Variants in SLC44A5 observed in about 807,000 individuals in gnomAD.
SLC44A5 encodes the protein solute carrier family 44 member 5.
SLC44A5 carries 57 observed loss-of-function variants against 101.8 expected under a neutral mutation model. The observed-to-expected ratio is 0.56, with a 90% CI of 0.45 to 0.70. SLC44A5 has a LOEUF of 0.70. Among genes scored for constraint, SLC44A5 ranks in the 30% least tolerant of loss-of-function variants. The pLI is 0.00. For synonymous variants in SLC44A5, 281 were observed against 290.9 expected, an observed-to-expected ratio of 0.97 and a Z score of 0.35; for missense variants, 737 against 853.1, an observed-to-expected ratio of 0.86 and a Z score of 1.70.
At chr1:75,601,791 A>G (rs1675000015) in intron 1 of SLC44A5, among the ~76,000 whole-genome samples, 1 of 152,168 alleles carries the variant, frequency 6.6e-6, no homozygotes, top group Admixed American at 6.6e-5. Context: ...ACTCAACGAC[A>G]TCATCTAACC....
chr1:75,629,084 G>C, the SLC44A5 span, among the ~76,000 whole-genome samples: 1,066 of 152,220 alleles, frequency 7.0e-3, 16 homozygotes, highest in African/African-American at 0.024. Flanking sequence ...TAGTGATATA[G>C]CAGAAAGGAA....
intron 1 of SLC44A5, chr1:75,582,290 A>C: frequency 1.3e-6 from 2 of 1,536,128 alleles, no homozygotes; most frequent in South Asian, 1.2e-5. Flanking sequence ...CAAGGCCATG[A>C]GTGCACGTGC....
At chr1:75,243,737 ATACC>A (rs1648864093) in intron 7 of SLC44A5, among the ~76,000 whole-genome samples, 1 of 152,058 alleles carries the variant, frequency 6.6e-6, no homozygotes, top group African/African-American at 2.4e-5. Flanking sequence ...TTGTCCCCAC[ATACC>A]TCATGTTGAA....
chr1:75,706,963 A>G, the SLC44A5 span, among the ~76,000 whole-genome samples: 2 of 152,196 alleles, frequency 1.3e-5, no homozygotes, highest in African/African-American at 4.8e-5. Flanking sequence ...AATACCTTCT[A>G]AGACCCATTA....
the SLC44A5 span, among the ~76,000 whole-genome samples, chr1:75,645,391 T>C: frequency 6.6e-6 from 1 of 152,196 alleles, no homozygotes; most frequent in Non-Finnish European, 1.5e-5. Flanking sequence ...TGATGAGCAT[T>C]TTTTCATGTG....
chr1:75,225,671 G>A (rs1022558596), intron 13 of SLC44A5, among the ~76,000 whole-genome samples: 5 of 152,174 alleles, frequency 3.3e-5, no homozygotes, highest in Non-Finnish European at 7.3e-5. Context: ...TTGTGTTAAT[G>A]AGTGTAATTT....
At chr1:75,492,159 A>G (rs1200287172) in intron 2 of SLC44A5, among the ~76,000 whole-genome samples, 1 of 152,190 alleles carries the variant, frequency 6.6e-6, no homozygotes, top group Non-Finnish European at 1.5e-5. Flanking sequence ...CTGAAGTATC[A>G]CATTTCAAAA....
intron 2 of SLC44A5, among the ~76,000 whole-genome samples, chr1:75,512,024 T>C (rs1167823318): frequency 6.6e-6 from 1 of 152,170 alleles, no homozygotes; most frequent in Non-Finnish European, 1.5e-5. Flanking sequence ...CTGAGTCCTG[T>C]GCTAAGTCCA....
At chr1:75,337,246 G>C (rs1437232881) in intron 4 of SLC44A5, among the ~76,000 whole-genome samples, 1 of 152,044 alleles carries the variant, frequency 6.6e-6, no homozygotes. Context: ...TCTATCAGAA[G>C]AATTATGCTA....
At chr1:75,469,400 G>A (rs893698101) in intron 2 of SLC44A5, among the ~76,000 whole-genome samples, 3 of 152,056 alleles carry the variant, frequency 2.0e-5, no homozygotes, top group Non-Finnish European at 4.4e-5. Context: ...AACACCATGT[G>A]CCACTTAAGA....
intron 1 of SLC44A5, among the ~76,000 whole-genome samples, chr1:75,568,531 C>CT (rs1265906220): frequency 6.6e-6 from 1 of 152,188 alleles, no homozygotes; most frequent in East Asian, 1.9e-4. Context: ...ATCCTCCCCA[C>CT]TTTGAGAGAT....
At chr1:75,429,569 A>G (rs1296053661) in intron 2 of SLC44A5, among the ~76,000 whole-genome samples, 1 of 152,202 alleles carries the variant, frequency 6.6e-6, no homozygotes, top group African/African-American at 2.4e-5. Flanking sequence ...CTAATTTATA[A>G]AGAAAATGAG....
At chr1:75,653,663 C>T in the SLC44A5 span, among the ~76,000 whole-genome samples, 1 of 152,136 alleles carries the variant, frequency 6.6e-6, no homozygotes, top group Admixed American at 6.6e-5. Context: ...GATAGTTGCA[C>T]AGTCTGATAT....
At chr1:75,477,449 A>G (rs1157850031) in intron 2 of SLC44A5, among the ~76,000 whole-genome samples, 1 of 152,216 alleles carries the variant, frequency 6.6e-6, no homozygotes, top group African/African-American at 2.4e-5. Flanking sequence ...TGATCAAACT[A>G]CTCCGAGTTA....
Position 75,603,753 on chromosome 1 carries a change from G to GTTTTTTTTTTTTTTTT in SLC44A5, c.-70+7271_-70+7286dup. 2.8e-4 allele frequency among the ~76,000 whole-genome samples: 15 copies of GTTTTTTTTTTTTTTTT among 54,064 alleles called. 2 individuals carry two copies. Among genetic ancestry groups the GTTTTTTTTTTTTTTTT allele is most frequent in the South Asian group, 7.4e-4 (1 of 1,344 alleles). The allele number at this position is 54,064 out of a possible 152,430, so 35.5% of individuals were successfully genotyped here. ...TTAGTGATGTGGAGCATTTTTTCAT[G>GTTTTTTTTTTTTTTTT]TTTTTTTTTTTTTTTTTGCTGCTTG... On this transcript the variant is annotated intron_variant, in intron 1 of 23. Transcript: ENST00000370859.
intron 2 of SLC44A5, among the ~76,000 whole-genome samples, chr1:75,403,216 T>A (rs1465540514): frequency 6.6e-6 from 1 of 152,156 alleles, no homozygotes; most frequent in Non-Finnish European, 1.5e-5. Context: ...ATAGATAAAA[T>A]GCCCATCTCC....
intron 3 of SLC44A5, among the ~76,000 whole-genome samples, chr1:75,367,950 C>A (rs1659972320): frequency 6.6e-6 from 1 of 152,284 alleles, no homozygotes; most frequent in East Asian, 1.9e-4. Flanking sequence ...GCTGACGTCA[C>A]CCCTGTGTTG....
intron 1 of SLC44A5, among the ~76,000 whole-genome samples, chr1:75,608,120 A>G (rs1311740587): frequency 6.6e-6 from 1 of 151,938 alleles, no homozygotes; most frequent in Non-Finnish European, 1.5e-5. Context: ...TGCCTGGTTG[A>G]TTTCACTTAG....
rs77296362 is a variant in SLC44A5 at position 75,519,874 on chromosome 1, G to A, written c.13+21561C>T. 6.8e-4 allele frequency among the ~76,000 whole-genome samples: 103 copies of A among 152,368 alleles called. 1 individual carries two copies. The East Asian group carries it at 0.016, about 24-fold the overall frequency. On this transcript the variant is annotated intron_variant, in intron 2 of 23. Transcript: ENST00000370859. ...CATCTCTTTGGATTGCTGAAAGCAAGCTCCTTGGCCAATGGCCATTTCCCT... is the reference window on the plus strand; with the variant it reads ...CATCTCTTTGGATTGCTGAAAGCAAACTCCTTGGCCAATGGCCATTTCCCT...
Sources: allele counts gnomAD v4.1 joint callset (sites outside exome capture counted in the v4.1 genomes callset), GRCh38; gene constraint gnomAD v4.1.1; transcripts MANE v1.5; gene names NCBI Gene and HGNC (gene_info 2026-07-23, HGNC 2026-07-21).